Variants in TMEM9B observed in about 807,000 individuals in gnomAD.
TMEM9B encodes transmembrane protein 9B.
TMEM9B carries 8 observed loss-of-function variants against 23.5 expected under a neutral mutation model. The ratio of observed to expected loss-of-function variants is 0.34; its 90% CI spans 0.20 to 0.61. The LOEUF (loss-of-function observed/expected upper bound fraction) is 0.61, where lower values mean the gene tolerates loss of function less well. TMEM9B is among the 20% of genes least tolerant of loss of function. The probability of loss-of-function intolerance (pLI) is 0.78; values close to 1 mark genes in which losing one functional copy is unlikely to be tolerated. For missense variants in TMEM9B, 197 were observed against 252.3 expected (o/e 0.78, Z 1.49); for synonymous variants, 106 against 96.3 (o/e 1.10, Z -0.59).
At chr11:8,948,777 T>G (rs1853823421) in intron 4 of TMEM9B, among the ~76,000 whole-genome samples, 1 of 152,206 alleles carries the variant, frequency 6.6e-6, no homozygotes, top group Non-Finnish European at 1.5e-5. Context: ...AGTGGTCATT[T>G]GTGTTAAAGA....
At chr11:8,961,974 ATT>A in intron 2 of TMEM9B, 116 bp downstream of exon 2, 1 of 677,726 alleles carries the variant, frequency 1.5e-6, no homozygotes. Context: ...AGAATTTCAC[ATT>A]TTTGCTTCAA....
chr11:8,950,510 ATCT>A (rs1184256996), intron 4 of TMEM9B, among the ~76,000 whole-genome samples: 1 of 152,160 alleles, frequency 6.6e-6, no homozygotes, highest in Non-Finnish European at 1.5e-5. Flanking sequence ...GGGGAGAAAA[ATCT>A]TCTTAAGGAA....
Position 8,953,194 on chromosome 11 carries a change from G to GT in TMEM9B, c.441+8_441+9insA. 1 of 1,614,130 alleles carries GT rather than the reference G, an allele frequency of 6.2e-7. No individual in the cohort carries two copies. Among genetic ancestry groups the GT allele is most frequent in the African/African-American group, 1.3e-5 (1 of 75,014 alleles). On this transcript the variant is annotated intron_variant, in intron 4 of 4. Coordinates refer to ENST00000534025, the MANE Select transcript of TMEM9B (RefSeq NM_020644.3). ...GGCCATGAGCAGCTAGGGCAGGCTG[G>GT]GAACTTACCCCAATATCATCATCAC... is the stretch of plus-strand genomic sequence containing the variant.
rs140418970 is a variant in TMEM9B, at chr11:8,961,427, C to G, written c.197+665G>C. On this transcript the variant is annotated intron_variant, in intron 2 of 4. Transcript: ENST00000534025. The stretch of plus-strand genomic sequence containing the variant: ...ACACATTCATCCTGCTGTAATACAA[C>G]TGCATCCCAACTGCTTCATGGCACA... Among the ~76,000 whole-genome samples, 320 of 152,360 alleles carry G rather than the reference C, an allele frequency of 2.1e-3. 4 individuals are homozygous for G. Among genetic ancestry groups the G allele is most frequent in the African/African-American group, 7.6e-3 (314 of 41,578 alleles).
chr11:8,960,289 G>A (rs986735976), intron 2 of TMEM9B, among the ~76,000 whole-genome samples: 8 of 151,998 alleles, frequency 5.3e-5, no homozygotes. Context: ...TTACAGGCGT[G>A]TGCCACCATG....
chr11:8,953,387 A>C (rs760339169), intron 3 of TMEM9B, 50 bp from the exon 4 acceptor site: 10 of 1,590,002 alleles, frequency 6.3e-6, no homozygotes, highest in Non-Finnish European at 8.6e-6. Context: ...CCCATAAATC[A>C]GAACTTTGTA....
chr11:8,948,319 A>G lies in TMEM9B; in HGVS notation c.*1T>C, dbSNP rs568290527. ...CTAGTCACCTTGAATTCAATTCCCA[A>G]TTAGCTGAGGACAACATGCCGGTCA... On this transcript the variant is annotated 3_prime_UTR_variant, in exon 5 of 5. Transcript: ENST00000534025. 1.5e-5 allele frequency: 24 copies of G among 1,613,046 alleles called. No individual in the cohort carries two copies. In the South Asian group the frequency reaches 1.5e-4, roughly 10 times the overall value.
chr11:8,958,597 A>G, intron 2 of TMEM9B, among the ~76,000 whole-genome samples: 1 of 143,458 alleles, frequency 7.0e-6, no homozygotes, highest in Admixed American at 7.0e-5. Flanking sequence ...TTTGAGACAG[A>G]GTTTCACTCT....
intron 2 of TMEM9B, among the ~76,000 whole-genome samples, chr11:8,960,994 T>C (rs941248275): frequency 2.0e-5 from 3 of 152,166 alleles, no homozygotes; most frequent in Non-Finnish European, 4.4e-5. Context: ...CTGAACATTC[T>C]TGTATCATAT....
intron 2 of TMEM9B, among the ~76,000 whole-genome samples, chr11:8,958,772 T>C (rs1200431868): frequency 6.6e-6 from 1 of 152,026 alleles, no homozygotes; most frequent in Non-Finnish European, 1.5e-5. Context: ...GGTTTTTCCA[T>C]GTTGGTCAGG....
At chr11:8,948,575 A>G in intron 4 of TMEM9B, 100 bp from the exon 5 acceptor site, 1 of 1,365,358 alleles carries the variant, frequency 7.3e-7, no homozygotes, top group East Asian at 2.4e-5. Flanking sequence ...GGGTAGGTGG[A>G]CTTTTCAAAC....
At chr11:8,958,625 T>G (rs1589947533) in intron 2 of TMEM9B, among the ~76,000 whole-genome samples, 2 of 146,428 alleles carry the variant, frequency 1.4e-5, no homozygotes, top group African/African-American at 2.5e-5. Flanking sequence ...CAGGCTGGAG[T>G]GCAATGGTGT....
chr11:8,962,709 G>A (rs1028248702), intron 1 of TMEM9B: 2 of 153,142 alleles, frequency 1.3e-5, no homozygotes, highest in African/African-American at 4.8e-5. Context: ...AACTAGAAAG[G>A]AAGTACACAC....
chr11:8,964,510 A>C (rs1394734691), upstream of TMEM9B: 1 of 1,396,794 alleles, frequency 7.2e-7, no homozygotes, highest in Non-Finnish European at 9.3e-7. Flanking sequence ...ACCGGTTACC[A>C]GTGCGAAGGG....
chr11:8,964,448 C>G (rs1483259376), upstream of TMEM9B: 1 of 1,423,288 alleles, frequency 7.0e-7, no homozygotes, highest in Admixed American at 3.0e-5. Context: ...CGTCTGGACG[C>G]GAAGGCGTCA....
rs1466785017 is a variant in TMEM9B, at chr11:8,957,576, A to G, written c.198-1278T>C. ...TTCTCTTGGGGACACCCAATACTCT[A>G]TAGAGTGATTCCTTCTCTTTCCCCA... On this transcript the variant is annotated intron_variant, in intron 2 of 4. Coordinates refer to ENST00000534025, the MANE Select transcript of TMEM9B (RefSeq NM_020644.3). The surrounding 1 kb of genome is among the most constrained non-coding windows in gnomAD (Gnocchi z 4.3). 6.6e-6 allele frequency among the ~76,000 whole-genome samples: 1 copy of G among 152,204 alleles called. No homozygotes were observed. Among genetic ancestry groups the G allele is most frequent in the African/African-American group, 2.4e-5 (1 of 41,444 alleles).
chr11:8,958,318 T>G (rs1429865529), intron 2 of TMEM9B, among the ~76,000 whole-genome samples: 1 of 141,532 alleles, frequency 7.1e-6, no homozygotes, highest in Admixed American at 7.1e-5. Flanking sequence ...AAAAATTATC[T>G]GGGCATGGTG....
At chr11:8,960,551 C>A (rs1026164588) in intron 2 of TMEM9B, among the ~76,000 whole-genome samples, 2 of 152,162 alleles carry the variant, frequency 1.3e-5, no homozygotes, top group Admixed American at 1.3e-4. Flanking sequence ...TTAGTGCTAA[C>A]CACTTGAATA....
intron 1 of TMEM9B, chr11:8,962,896 CTGTT>C (rs1854106758): frequency 6.6e-6 from 1 of 152,288 alleles, no homozygotes; most frequent in East Asian, 1.9e-4. Flanking sequence ...AAAGGGGAAT[CTGTT>C]TGAGAAGGAA....
Sources: gnomAD v4.1 joint callset for allele counts (sites outside exome capture counted in the v4.1 genomes callset) on GRCh38, gnomAD v4.1.1 for gene constraint, Gnocchi (gnomAD v3.1) non-coding constraint, MANE v1.5 for transcripts, NCBI Gene and HGNC (gene_info 2026-07-23, HGNC 2026-07-21) for gene names.